Variants in TDP2 observed in about 807,000 individuals in gnomAD.
The protein encoded by TDP2 is 5'-Tyr-DNA phosphodiesterase.
Under a neutral mutation model 42.8 loss-of-function variants are expected in TDP2, and 38 were observed. The ratio of observed to expected loss-of-function variants is 0.89; its 90% confidence interval spans 0.68 to 1.16. TDP2 has a LOEUF of 1.16. Ranked by LOEUF, TDP2 falls within the 50% of genes most tolerant of loss-of-function variation. The pLI is 0.00. For synonymous variants in TDP2, 173 were observed against 150.6 expected (o/e 1.15, Z -1.09); for missense variants, 439 against 439.3 (o/e 1.00, Z 0.01).
At chr6:24,657,721 C>T in intron 4 of TDP2, 91 bp downstream of exon 4, 11 of 579,668 alleles carry the variant, frequency 1.9e-5, no homozygotes, top group East Asian at 3.2e-5. Flanking sequence ...GTGCTTTTTC[C>T]TCTCTATGTC....
chr6:24,659,573 T>C (rs957348105), intron 2 of TDP2, among the ~76,000 whole-genome samples: 6 of 152,216 alleles, frequency 3.9e-5, no homozygotes, highest in Non-Finnish European at 8.8e-5. Flanking sequence ...TTCAATGACA[T>C]GTGTCACTAG....
At position 24,658,599 on chromosome 6, in the gene TDP2, C is replaced by A; in HGVS notation, c.387G>T (p.Leu129=). ...AACACACCCCTCGAGCCCTCTCTGA[C>A]AGATTGTTTAGATCTAATCCATCAA... The part of the protein sequence containing the change: ...WNIDGLDLNN[L]SERARGVCSY... Residue 129 remains leucine (L), a synonymous_variant, in exon 3 of 7, where the codon CTG becomes CTT. Transcript: ENST00000378198. The A allele has an allele frequency of 6.2e-7, 1 of 1,613,684 alleles. No homozygotes were observed. Among genetic ancestry groups the A allele is most frequent in the Non-Finnish European group, 8.5e-7 (1 of 1,179,742 alleles).
intron 2 of TDP2, among the ~76,000 whole-genome samples, chr6:24,659,717 T>A (rs188963156): frequency 1.1e-4 from 17 of 152,350 alleles, no homozygotes; most frequent in South Asian, 4.1e-4. Context: ...AATTCTTTGC[T>A]ACTCCCCTTT....
At chr6:24,658,993 T>C (rs935935842) in intron 2 of TDP2, 3 of 326,370 alleles carry the variant, frequency 9.2e-6, no homozygotes, top group African/African-American at 2.1e-5. Flanking sequence ...TGCATCCCCA[T>C]TGCTCCTATG....
In TDP2 at chr6:24,650,464, C is replaced by A; in HGVS notation, c.*324G>T. ...ATTTCAAATATTAACTATTTCGGTG[C>A]CTGAATGGAAAAATATAAACATTAG... On this transcript the variant is annotated 3_prime_UTR_variant, in exon 7 of 7. Transcript: ENST00000378198. 1 of 232,090 alleles carries A rather than the reference C, an allele frequency of 4.3e-6. No homozygotes were observed. The highest frequency in any genetic ancestry group is 8.3e-6 in the Non-Finnish European group (1 of 120,098). The allele number at this position is 232,090 out of a possible 1,614,324, so 14.4% of individuals were successfully genotyped here.
At chr6:24,666,005 A>C in intron 2 of TDP2, 3 of 1,393,118 alleles carry the variant, frequency 2.2e-6, no homozygotes, top group Non-Finnish European at 1.9e-6. Flanking sequence ...TTATGGAGCC[A>C]AATAGTAGAG....
At position 24,654,871 on chromosome 6, in the gene TDP2, C is replaced by T. The variant is rs892614678; in HGVS notation, c.518-341G>A. 2.6e-5 allele frequency among the ~76,000 whole-genome samples: 4 copies of T among 151,934 alleles called. No individual in the cohort carries two copies. The East Asian group carries it at 7.7e-4, about 29-fold the overall frequency. ...ACCTGACCAAAATGGAGAAACCCTG[C>T]CTCTACAAAACACAAAATTAGTCGG... On this transcript the variant is annotated intron_variant, in intron 4 of 6. Coordinates refer to ENST00000378198, the MANE Select transcript of TDP2 (RefSeq NM_016614.3).
chr6:24,657,239 G>A (rs17249687), intron 4 of TDP2, among the ~76,000 whole-genome samples: 19,347 of 152,168 alleles, frequency 0.13, 2,258 homozygotes, highest in East Asian at 0.45. Context: ...ACATATAGAT[G>A]GGTTCTGCAG....
At position 24,654,606 on chromosome 6, in the gene TDP2, G is replaced by A. The variant is rs1778030827; in HGVS notation, c.518-76C>T. ...TCAGTTTACCACAAGTTTGCCTATTGAAGAATTTTATAGCAAACAGGTAAC... is the reference window on the plus strand; with the variant it reads ...TCAGTTTACCACAAGTTTGCCTATTAAAGAATTTTATAGCAAACAGGTAAC... On this transcript the variant is annotated intron_variant, in intron 4 of 6. Coordinates refer to ENST00000378198, the MANE Select transcript of TDP2 (RefSeq NM_016614.3). 15 of 778,810 alleles carry A rather than the reference G, an allele frequency of 1.9e-5. No individual in the cohort carries two copies. In the Admixed American group the frequency reaches 2.0e-4, roughly 11 times the overall value. The allele number at this position is 778,810 out of a possible 1,614,324, so 48.2% of individuals were successfully genotyped here.
chr6:24,657,389 C>CA, intron 4 of TDP2, among the ~76,000 whole-genome samples: 1 of 151,934 alleles, frequency 6.6e-6, no homozygotes, highest in Non-Finnish European at 1.5e-5. Flanking sequence ...ATATATTTAG[C>CA]AAAAACAAAT....
rs1188274258 is a variant in TDP2, at chr6:24,652,970, C to G, written c.807+13G>C. The G allele has an allele frequency of 1.2e-6, 2 of 1,611,290 alleles. No individual in the cohort carries two copies. Among genetic ancestry groups the G allele is most frequent in the African/African-American group, 2.7e-5 (2 of 74,908 alleles). On this transcript the variant is annotated intron_variant, in intron 6 of 6. Transcript: ENST00000378198. The stretch of plus-strand genomic sequence containing the variant: ...AATCTGTCCTCAAACATCAAACTGA[C>G]TTTGTCACTCACCTCTCGATCCCTT...
rs1488653159 is a variant in TDP2 at position 24,650,695 on chromosome 6, A to G, written c.*93T>C. 1 of 1,234,200 alleles carries G rather than the reference A, an allele frequency of 8.1e-7. No homozygotes were observed. Among genetic ancestry groups the G allele is most frequent in the Non-Finnish European group, 1.1e-6 (1 of 876,378 alleles). The allele number at this position is 1,234,200 out of a possible 1,614,324, so 76.5% of individuals were successfully genotyped here. The stretch of plus-strand genomic sequence containing the variant: ...GTTGGTTTTTCTGTGACAATGATCT[A>G]GTACATTATTTCCTCCACAGCAAAC... On this transcript the variant is annotated 3_prime_UTR_variant, in exon 7 of 7. Coordinates refer to ENST00000378198, the MANE Select transcript of TDP2 (RefSeq NM_016614.3).
chr6:24,653,099 T>G lies in TDP2; in HGVS notation c.691A>C (p.Arg231=). The change falls in exon 6 of 7, where the codon AGA becomes CGA. Residue 231 remains arginine, a synonymous_variant. Coordinates refer to ENST00000378198, the MANE Select transcript of TDP2 (RefSeq NM_016614.3). ...CLMTSHLEST[R]GHAAERMNQL... ...TTCATTCGTTCCGCAGCATGCCCTC[T>G]GGTGCTCTCCAAATGGGATGTCATA... 6.2e-7 allele frequency: 1 copy of G among 1,614,186 alleles called. No individual in the cohort carries two copies. Among genetic ancestry groups the G allele is most frequent in the Non-Finnish European group, 8.5e-7 (1 of 1,180,030 alleles).
chr6:24,659,992 C>G (rs1051499636), intron 2 of TDP2, among the ~76,000 whole-genome samples: 2 of 152,172 alleles, frequency 1.3e-5, no homozygotes, highest in East Asian at 3.8e-4. Flanking sequence ...CCAACCAATA[C>G]CCCAGACATA....
intron 2 of TDP2, among the ~76,000 whole-genome samples, chr6:24,661,375 G>C (rs764716183): frequency 6.6e-6 from 1 of 152,176 alleles, no homozygotes; most frequent in Non-Finnish European, 1.5e-5. Flanking sequence ...ATTTCACGGG[G>C]AAAGGGTAGG....
chr6:24,661,263 T>C (rs879595780), intron 2 of TDP2, among the ~76,000 whole-genome samples: 12 of 152,218 alleles, frequency 7.9e-5, no homozygotes, highest in Non-Finnish European at 1.8e-4. Flanking sequence ...AGGAAAAATG[T>C]TCCCTTCTCT....
chr6:24,660,012 G>A lies in TDP2; in HGVS notation c.252-1278C>T, dbSNP rs544672401. 2.0e-5 allele frequency among the ~76,000 whole-genome samples: 3 copies of A among 152,106 alleles called. No individual in the cohort carries two copies. The South Asian group carries it at 6.2e-4, about 32-fold the overall frequency. ...CAATACCCCAGACATATGAGTGGAG[G>A]GACAAACTTTATTAAAAGGTTAACT... On this transcript the variant is annotated intron_variant, in intron 2 of 6. Coordinates refer to ENST00000378198, the MANE Select transcript of TDP2 (RefSeq NM_016614.3).
intron 2 of TDP2, among the ~76,000 whole-genome samples, chr6:24,663,528 C>T (rs958415183): frequency 1.3e-5 from 2 of 152,056 alleles, no homozygotes; most frequent in African/African-American, 2.4e-5. Flanking sequence ...AGATATAATC[C>T]GTAATGTTGG....
chr6:24,665,593 T>C (rs1165845790), intron 2 of TDP2, among the ~76,000 whole-genome samples: 3 of 152,232 alleles, frequency 2.0e-5, no homozygotes, highest in Non-Finnish European at 2.9e-5. Context: ...TAAATATTTA[T>C]TGGGAGCTTA....
Sources: gnomAD v4.1 joint callset for allele counts (sites outside exome capture counted in the v4.1 genomes callset) on GRCh38, gnomAD v4.1.1 for gene constraint, MANE v1.5 for transcripts, NCBI Gene and HGNC (gene_info 2026-07-23, HGNC 2026-07-21) for gene names.